PARN: variants seen among roughly 807,000 people sequenced by gnomAD.
The protein encoded by PARN is poly(A)-specific ribonuclease.
PARN carries 71 observed loss-of-function variants against 102.8 expected under a neutral mutation model. That is an observed-to-expected ratio of 0.69 (90% CI 0.57 to 0.84). PARN has a LOEUF of 0.84. PARN is among the 40% of genes least tolerant of loss of function. The pLI, the probability that PARN is intolerant of heterozygous loss-of-function variation, is 0.00. For synonymous variants in PARN, 261 were observed against 252.9 expected (o/e 1.03, Z -0.30); for missense variants, 782 against 760.9 (o/e 1.03, Z -0.33).
intron 18 of PARN, among the ~76,000 whole-genome samples, chr16:14,576,987 C>T (rs1434033815): frequency 6.6e-6 from 1 of 152,220 alleles, no homozygotes; most frequent in Non-Finnish European, 1.5e-5. Flanking sequence ...AATGGCATAA[C>T]TGATGCTACT....
At chr16:14,629,985 G>A in intron 1 of PARN, 122 bp downstream of exon 1, 1 of 902,726 alleles carries the variant, frequency 1.1e-6, no homozygotes, top group Non-Finnish European at 1.7e-6. Flanking sequence ...CTTAAGGAGG[G>A]AAAAGCCCTG....
chr16:14,438,220 G>A (rs1266719013), intron 23 of PARN, among the ~76,000 whole-genome samples: 1 of 152,126 alleles, frequency 6.6e-6, no homozygotes, highest in African/African-American at 2.4e-5. Context: ...ACACCTAACT[G>A]TATGAAAAGA....
intron 12 of PARN, 27 bp from the exon 13 acceptor site, chr16:14,593,405 G>A: frequency 9.6e-7 from 1 of 1,044,726 alleles, no homozygotes; most frequent in South Asian, 1.2e-5. Context: ...TTAGAAAAAA[G>A]ACTTCTACAT....
chr16:14,546,110 C>T (rs147242029), intron 21 of PARN, among the ~76,000 whole-genome samples: 2 of 152,128 alleles, frequency 1.3e-5, no homozygotes, highest in East Asian at 1.9e-4. Flanking sequence ...AGTAATATCA[C>T]GAATAAAAAC....
chr16:14,624,512 A>T (rs1377658633), intron 5 of PARN, among the ~76,000 whole-genome samples: 1 of 152,194 alleles, frequency 6.6e-6, no homozygotes, highest in Non-Finnish European at 1.5e-5. Context: ...GGCAACTACA[A>T]CTGTATTAAG....
chr16:14,532,355 G>C (rs1369828026), intron 21 of PARN, among the ~76,000 whole-genome samples: 3 of 151,508 alleles, frequency 2.0e-5, no homozygotes, highest in Non-Finnish European at 4.4e-5. Context: ...CTGGGTACTT[G>C]AGATTAGGGA....
chr16:14,491,185 T>A (rs988320828), intron 21 of PARN, among the ~76,000 whole-genome samples: 1 of 151,322 alleles, frequency 6.6e-6, no homozygotes, highest in African/African-American at 2.4e-5. Context: ...TAGTCCATCC[T>A]TACCCTGCTG....
At chr16:14,621,735 C>T (rs188718573) in intron 5 of PARN, among the ~76,000 whole-genome samples, 139 of 149,616 alleles carry the variant, frequency 9.3e-4, no homozygotes, top group African/African-American at 3.2e-3. Flanking sequence ...GGCGTGAACA[C>T]GGGAGGCAGA....
At chr16:14,621,476 G>GT (rs1972295565) in intron 5 of PARN, among the ~76,000 whole-genome samples, 1 of 152,118 alleles carries the variant, frequency 6.6e-6, no homozygotes, top group Admixed American at 6.5e-5. Context: ...GGTTAGAATA[G>GT]TAAAATTTAT....
intron 13 of PARN, among the ~76,000 whole-genome samples, chr16:14,587,405 A>C (rs931369100): frequency 2.5e-4 from 38 of 152,360 alleles, no homozygotes; most frequent in African/African-American, 7.2e-4. Flanking sequence ...GTATCAAGAT[A>C]GTTCATAAGA....
chr16:14,467,091 C>T (rs750363820), intron 22 of PARN, among the ~76,000 whole-genome samples: 7 of 152,218 alleles, frequency 4.6e-5, no homozygotes, highest in African/African-American at 7.2e-5. Context: ...AAGCCATCAA[C>T]CATGTGGAGA....
In PARN at chr16:14,630,132, G is replaced by A. The variant is rs759105999; in HGVS notation, c.-7C>T. 1.9e-6 allele frequency: 3 copies of A among 1,560,386 alleles called. No homozygotes were observed. Among genetic ancestry groups the A allele is most frequent in the African/African-American group, 1.4e-5 (1 of 73,754 alleles). On this transcript the variant is annotated 5_prime_UTR_variant, in exon 1 of 24. Coordinates refer to ENST00000437198, the MANE Select transcript of PARN (RefSeq NM_002582.4). ...TGCTCCTGATTATCTCCATTCTGCA[G>A]AGTGGCCGGAACCTTGGCCCCACCC...
rs147344953 is a variant in PARN at position 14,539,913 on chromosome 16, TACAATATA to T, written c.1480+12100_1480+12107del. 3.4e-3 allele frequency among the ~76,000 whole-genome samples: 513 copies of T among 152,346 alleles called. 15 individuals are homozygous for T. In the East Asian group the frequency reaches 0.073, roughly 22 times the overall value. The stretch of plus-strand genomic sequence containing the variant: ...TTCTTGTCATTTTTCCTAAACAATA[TACAATATA>T]ACAACTACTTACATAGCATTTGCAT... On this transcript the variant is annotated intron_variant, in intron 21 of 23. Coordinates refer to ENST00000437198, the MANE Select transcript of PARN (RefSeq NM_002582.4).
chr16:14,593,123 A>G (rs564377267), intron 13 of PARN, among the ~76,000 whole-genome samples, 178 bp downstream of exon 13: 2 of 151,988 alleles, frequency 1.3e-5, no homozygotes, highest in Non-Finnish European at 2.9e-5. Context: ...CAGAGTGAGA[A>G]TACATCTCAA....
At chr16:14,618,320 T>C (rs1409518512) in intron 5 of PARN, among the ~76,000 whole-genome samples, 4 of 152,048 alleles carry the variant, frequency 2.6e-5, no homozygotes, top group East Asian at 1.9e-4. Context: ...ACTCCGTCTC[T>C]ACTAAAAATA....
At chr16:14,613,322 A>C (rs1025825182) in intron 6 of PARN, among the ~76,000 whole-genome samples, 2 of 150,998 alleles carry the variant, frequency 1.3e-5, no homozygotes, top group East Asian at 2.0e-4. Context: ...AAAAAAAAAA[A>C]AAACAAAACA....
At chr16:14,599,846 G>C in intron 12 of PARN, 58 bp downstream of exon 12, 2 of 990,932 alleles carry the variant, frequency 2.0e-6, no homozygotes, top group South Asian at 2.8e-5. Context: ...ATGATAATTA[G>C]ATACTTCACC....
chr16:14,590,198 G>A (rs1183908797), intron 13 of PARN, among the ~76,000 whole-genome samples: 3 of 115,816 alleles, frequency 2.6e-5, no homozygotes, highest in African/African-American at 1.0e-4. Flanking sequence ...TCGCACCACT[G>A]CACTCCAGCC....
intron 7 of PARN, among the ~76,000 whole-genome samples, chr16:14,609,980 G>T (rs1044979127): frequency 1.3e-5 from 2 of 152,194 alleles, no homozygotes; most frequent in Non-Finnish European, 2.9e-5. Context: ...GGGAGGCTGA[G>T]GCAGGAAGAT....
Sources: gnomAD v4.1 joint callset for allele counts (sites outside exome capture counted in the v4.1 genomes callset) on GRCh38, gnomAD v4.1.1 for gene constraint, MANE v1.5 for transcripts, NCBI Gene and HGNC (gene_info 2026-07-23, HGNC 2026-07-21) for gene names.